Variants in OR14A2 observed in about 807,000 individuals in gnomAD.
OR14A2 encodes the protein olfactory receptor family 14 subfamily A member 2.
For synonymous variants in OR14A2, 114 were observed against 58.6 expected, an observed-to-expected ratio of 1.95 and a Z score of -4.32; for missense variants, 237 against 152.9, an observed-to-expected ratio of 1.55 and a Z score of -2.90.
the OR14A2 span, chr1:247,738,768 C>T: frequency 7.1e-3 from 5,583 of 780,840 alleles, 39 homozygotes; most frequent in Middle Eastern, 0.02. Flanking sequence ...TCTGGACCAT[C>T]GTCTCCACAT....
chr1:247,735,130 C>T, the OR14A2 span, among the ~76,000 whole-genome samples: 1 of 152,182 alleles, frequency 6.6e-6, no homozygotes. Context: ...TGGGAACTTT[C>T]TATACAGGCA....
the OR14A2 span, among the ~76,000 whole-genome samples, chr1:247,742,190 C>T: frequency 6.6e-6 from 1 of 152,078 alleles, no homozygotes. Flanking sequence ...TTTCAAATAC[C>T]ATGTAATTTT....
At chr1:247,747,329 A>G in the OR14A2 span, among the ~76,000 whole-genome samples, 3 of 149,764 alleles carry the variant, frequency 2.0e-5, no homozygotes, top group Admixed American at 6.6e-5. Context: ...CCGTATAAAC[A>G]CTTCTAACCA....
At chr1:247,745,630 C>T in the OR14A2 span, among the ~76,000 whole-genome samples, 1 of 151,826 alleles carries the variant, frequency 6.6e-6, no homozygotes, top group East Asian at 1.9e-4. Flanking sequence ...ATGAGACCTA[C>T]AGGACCTAAA....
the OR14A2 span, chr1:247,747,205 G>A: frequency 2.6e-5 from 4 of 152,150 alleles, no homozygotes; most frequent in African/African-American, 9.7e-5. Context: ...AGTAGTCCAA[G>A]GAAGGGAAGA....
chr1:247,723,275 A>G (rs1660245988), exon 1 of OR14A2: 1 of 717,492 alleles, frequency 1.4e-6, no homozygotes, highest in African/African-American at 1.7e-5. Context: ...GGCTTAAGAT[A>G]AACAAAATAA....
At chr1:247,739,258 C>T in the OR14A2 span, 18 of 780,792 alleles carry the variant, frequency 2.3e-5, no homozygotes, top group East Asian at 4.4e-4. Context: ...ATTGTAGTTT[C>T]CTATGTGTAC....
the OR14A2 span, among the ~76,000 whole-genome samples, chr1:247,742,905 G>T: frequency 3.3e-5 from 5 of 152,160 alleles, no homozygotes; most frequent in African/African-American, 1.2e-4. Flanking sequence ...CAAGTTAAAT[G>T]TATCTAGAAC....
At chr1:247,740,729 C>T in the OR14A2 span, among the ~76,000 whole-genome samples, 3 of 152,112 alleles carry the variant, frequency 2.0e-5, no homozygotes, top group Admixed American at 6.6e-5. Context: ...AGACAATCGT[C>T]GTATCACCCT....
chr1:247,747,630 G>A, the OR14A2 span, among the ~76,000 whole-genome samples: 1 of 152,122 alleles, frequency 6.6e-6, no homozygotes, highest in Non-Finnish European at 1.5e-5. Flanking sequence ...CCAAAGTGCT[G>A]GGATTACAGG....
At chr1:247,744,031 A>C in the OR14A2 span, among the ~76,000 whole-genome samples, 1 of 152,298 alleles carries the variant, frequency 6.6e-6, no homozygotes. This position sits in a 1 kb window ranked among gnomAD's most constrained non-coding sequence, Gnocchi z 4.3. Context: ...AACCATATGG[A>C]CATTTAAATG....
the OR14A2 span, among the ~76,000 whole-genome samples, chr1:247,746,049 C>T: frequency 2.8e-4 from 42 of 152,312 alleles, no homozygotes; most frequent in East Asian, 7.1e-3. Context: ...GGTTCTTGCC[C>T]TGTCTGGACA....
the OR14A2 span, among the ~76,000 whole-genome samples, chr1:247,743,747 A>T: frequency 6.6e-6 from 1 of 152,088 alleles, no homozygotes; most frequent in Admixed American, 6.6e-5. Flanking sequence ...ATGCATTTCC[A>T]GTGTCTTTTT....
chr1:247,725,700 G>GGAATA (rs1660333273), upstream of OR14A2, among the ~76,000 whole-genome samples: 1 of 109,094 alleles, frequency 9.2e-6, no homozygotes, highest in Non-Finnish European at 1.8e-5. Flanking sequence ...CCCCACCACA[G>GGAATA]TCCCCAGAGT....
chr1:247,742,378 A>T, the OR14A2 span, among the ~76,000 whole-genome samples: 7 of 144,994 alleles, frequency 4.8e-5, no homozygotes, highest in African/African-American at 1.8e-4. Flanking sequence ...ACGCACACAC[A>T]CACACCATGA....
chr1:247,724,722 TTGAA>T (rs889579715), upstream of OR14A2, among the ~76,000 whole-genome samples: 1 of 152,112 alleles, frequency 6.6e-6, no homozygotes, highest in Non-Finnish European at 1.5e-5. Flanking sequence ...TTCATGTTCT[TTGAA>T]TGTGCATATG....
upstream of OR14A2, among the ~76,000 whole-genome samples, chr1:247,727,851 C>T (rs558672404): frequency 5.4e-5 from 8 of 147,782 alleles, no homozygotes; most frequent in African/African-American, 2.1e-4. Context: ...TCGACACATA[C>T]ACTCTCCCAA....
At chr1:247,742,686 TAAG>T in the OR14A2 span, among the ~76,000 whole-genome samples, 38 of 152,154 alleles carry the variant, frequency 2.5e-4, no homozygotes, top group African/African-American at 5.1e-4. Context: ...AATAGGGAAT[TAAG>T]AAGATTACAA....
the OR14A2 span, among the ~76,000 whole-genome samples, chr1:247,745,918 A>G: frequency 6.6e-6 from 1 of 152,158 alleles, no homozygotes; most frequent in Admixed American, 6.5e-5. Context: ...CAGCTCCTGT[A>G]AAGTGTTGTT....
Sources: gnomAD v4.1 joint callset for allele counts (sites outside exome capture counted in the v4.1 genomes callset) on GRCh38, gnomAD v4.1.1 for gene constraint, Gnocchi (gnomAD v3.1) non-coding constraint, MANE v1.5 for transcripts, NCBI Gene and HGNC (gene_info 2026-07-23, HGNC 2026-07-21) for gene names.